BRWD1: variants seen among roughly 807,000 people sequenced by gnomAD.
The protein encoded by BRWD1 is bromodomain and WD repeat-containing protein 1.
In BRWD1, 82 loss-of-function variants were observed where a neutral mutation model predicts 251.2. The ratio of observed to expected loss-of-function variants is 0.33; its 90% CI spans 0.27 to 0.39. BRWD1 has a LOEUF of 0.39. BRWD1 is among the 10% of genes least tolerant of loss of function. BRWD1 has a pLI of 1.00. For synonymous variants in BRWD1, 918 were observed against 902.8 expected (o/e 1.02, Z -0.30); for missense variants, 2,233 against 2,711.6 (o/e 0.82, Z 3.92).
chr21:39,317,916 G>A (rs1256767224), upstream of BRWD1, among the ~76,000 whole-genome samples: 1 of 152,124 alleles, frequency 6.6e-6, no homozygotes, highest in East Asian at 1.9e-4. Flanking sequence ...CATGCATGGT[G>A]TTGGGTGACT....
chr21:39,229,295 T>A lies in BRWD1; in HGVS notation c.3125+17A>T, dbSNP rs199589797. 1.7e-4 allele frequency: 261 copies of A among 1,562,394 alleles called. No homozygotes were observed. In the African/African-American group the frequency reaches 3.3e-3, roughly 20 times the overall value. ...AATTTAAATTTAAGTAATTCCATTT[T>A]AAAAAATAATACATACCTAATAGAG... On this transcript the variant is annotated intron_variant, in intron 26 of 40. Transcript: ENST00000342449.
chr21:39,249,568 A>G (rs1277296287), intron 20 of BRWD1, among the ~76,000 whole-genome samples: 1 of 152,220 alleles, frequency 6.6e-6, no homozygotes, highest in Admixed American at 6.5e-5. Context: ...AAAGCAGATG[A>G]GATTACCCAA....
rs116740566 is a variant in BRWD1 at position 39,204,610 on chromosome 21, T to C, written c.4364+1498A>G. Reference sequence around the variant, plus strand: ...ACACAATCAAATGCTCAAAAGACCATACATAAAAATCACATTATTCTCTAC... The same window carrying C: ...ACACAATCAAATGCTCAAAAGACCACACATAAAAATCACATTATTCTCTAC... On this transcript the variant is annotated intron_variant, in intron 37 of 40. Coordinates refer to ENST00000342449, the MANE Select transcript of BRWD1 (RefSeq NM_033656.4). 8.1e-3 allele frequency among the ~76,000 whole-genome samples: 1,236 copies of C among 152,238 alleles called. 15 individuals carry two copies. The highest frequency in any genetic ancestry group is 0.029 in the African/African-American group (1,203 of 41,524).
intron 13 of BRWD1, among the ~76,000 whole-genome samples, chr21:39,273,643 G>A: frequency 9.4e-6 from 1 of 106,612 alleles, no homozygotes; most frequent in Admixed American, 1.0e-4. Flanking sequence ...GCTGAGATGG[G>A]GGGACAGGCT....
chr21:39,199,583 T>C lies in BRWD1; in HGVS notation c.4833A>G (p.Ser1611=), dbSNP rs1197458277. The change falls in exon 40 of 41, where the codon TCA becomes TCG. Residue 1611 remains serine, a synonymous_variant. Coordinates refer to ENST00000342449, the MANE Select transcript of BRWD1 (RefSeq NM_033656.4). ...CTTTTAGAATTTCACCAGTCTCCAA[T>C]GAATTGTTATCAGAATCACTTAAAT... The part of the protein sequence containing the change: ...RVYLSDSDNN[S]LETGEILKAR... 2.5e-6 allele frequency: 4 copies of C among 1,614,050 alleles called. No individual in the cohort carries two copies. The highest frequency in any genetic ancestry group is 3.4e-6 in the Non-Finnish European group (4 of 1,180,024).
chr21:39,306,810 T>C (rs975689564), intron 4 of BRWD1, among the ~76,000 whole-genome samples: 1 of 152,198 alleles, frequency 6.6e-6, no homozygotes, highest in Non-Finnish European at 1.5e-5. Flanking sequence ...CAGAAACAAA[T>C]AGTTACTTTT....
intron 4 of BRWD1, among the ~76,000 whole-genome samples, chr21:39,299,913 C>T (rs1264434620): frequency 6.6e-6 from 1 of 151,734 alleles, no homozygotes; most frequent in Non-Finnish European, 1.5e-5. Context: ...ACCTGGGAGG[C>T]GGAGGTTGCA....
intron 5 of BRWD1, 130 bp downstream of exon 5, chr21:39,298,302 A>C: frequency 1.5e-6 from 2 of 1,345,948 alleles, no homozygotes; most frequent in Non-Finnish European, 1.9e-6. Flanking sequence ...AAATGCAGAG[A>C]ATTTTATAGT....
chr21:39,196,053 T>C lies in BRWD1; in HGVS notation c.*206A>G, dbSNP rs144491241. ...ATAGATCTGCCCCCAAAATGAAGCA[T>C]ATTTTGGCACCTGTGCTGAATGCTG... On this transcript the variant is annotated 3_prime_UTR_variant, in exon 41 of 41. Coordinates refer to ENST00000342449, the MANE Select transcript of BRWD1 (RefSeq NM_033656.4). 6.2e-4 allele frequency: 793 copies of C among 1,287,460 alleles called. 6 individuals are homozygous for C. The African/African-American group carries it at 0.011, about 18-fold the overall frequency. The allele number at this position is 1,287,460 out of a possible 1,614,324, so 79.8% of individuals were successfully genotyped here.
At chr21:39,313,132 G>C (rs1463706689) in intron 2 of BRWD1, 31 bp from the exon 3 acceptor site, 23 of 1,497,712 alleles carry the variant, frequency 1.5e-5, no homozygotes, top group Non-Finnish European at 2.0e-5. Context: ...GTCAGGGGTG[G>C]GGTCGGGCCC....
intron 4 of BRWD1, among the ~76,000 whole-genome samples, chr21:39,307,534 C>T (rs551368104): frequency 4.6e-5 from 7 of 152,118 alleles, no homozygotes; most frequent in South Asian, 4.1e-4. Context: ...CCTTTTTCTT[C>T]ATCTTCGCTT....
In BRWD1 at chr21:39,192,922, T is replaced by C; in HGVS notation, c.*3337A>G. On this transcript the variant is annotated 3_prime_UTR_variant, in exon 41 of 41. Coordinates refer to ENST00000342449, the MANE Select transcript of BRWD1 (RefSeq NM_033656.4). ...GGGAGGTTAGTAAATTGTTTTCTGA[T>C]TCTTCTACAAAAAAAAAAGTCTAGA... 1 of 947,376 alleles carries C rather than the reference T, an allele frequency of 1.1e-6. No individual in the cohort carries two copies. Among genetic ancestry groups the C allele is most frequent in the Non-Finnish European group, 1.2e-6 (1 of 816,096 alleles). 58.7% of individuals were successfully genotyped at this position (947,376 alleles called of 1,614,324 possible).
chr21:39,283,081 T>C (rs1180971863), intron 8 of BRWD1, among the ~76,000 whole-genome samples: 1 of 152,194 alleles, frequency 6.6e-6, no homozygotes, highest in African/African-American at 2.4e-5. Context: ...GTCCCACTTA[T>C]ATCTTCATCT....
At chr21:39,291,670 G>T (rs989647204) in intron 8 of BRWD1, among the ~76,000 whole-genome samples, 1 of 152,178 alleles carries the variant, frequency 6.6e-6, no homozygotes, top group South Asian at 2.1e-4. Context: ...CCAGGAGAAG[G>T]ACCAATCCTA....
chr21:39,299,215 T>C (rs1438710229), intron 4 of BRWD1, among the ~76,000 whole-genome samples: 2 of 147,226 alleles, frequency 1.4e-5, no homozygotes, highest in Non-Finnish European at 3.0e-5. Context: ...AAGAAAAAAA[T>C]ATATATACAT....
rs1348882498 is a variant in BRWD1 at position 39,198,968 on chromosome 21, G to A, written c.5448C>T (p.Thr1816=). 2.5e-6 allele frequency: 4 copies of A among 1,613,754 alleles called. No homozygotes were observed. The highest frequency in any genetic ancestry group is 3.4e-6 in the Non-Finnish European group (4 of 1,179,972). The change falls in exon 40 of 41, where the codon ACC becomes ACT. Residue 1816 remains threonine (T), a synonymous_variant. Transcript: ENST00000342449. ...AGTCTTCTGAGTCACTCAGAATCTTGGTTTTTTTAAAGAAACTCGCATTCT... is the reference window on the plus strand; with the variant it reads ...AGTCTTCTGAGTCACTCAGAATCTTAGTTTTTTTAAAGAAACTCGCATTCT... ...FHKNASFFKK[T]KILSDSEDSE...
rs544044794 is a variant in BRWD1 at position 39,215,472 on chromosome 21, G to C, written c.3660-110C>G. On this transcript the variant is annotated intron_variant, in intron 31 of 40. Coordinates refer to ENST00000342449, the MANE Select transcript of BRWD1 (RefSeq NM_033656.4). ...CTGTGAAATAATAATTAAACCATAA[G>C]TGCAAAGTTATAATGAATAACCTTC... is the stretch of plus-strand genomic sequence containing the variant. 7.1e-5 allele frequency: 68 copies of C among 954,504 alleles called. No individual in the cohort carries two copies. The African/African-American group carries it at 8.4e-4, about 12-fold the overall frequency. The allele number at this position is 954,504 out of a possible 1,614,324, so 59.1% of individuals were successfully genotyped here.
chr21:39,227,987 C>G (rs2033450073), intron 27 of BRWD1, among the ~76,000 whole-genome samples: 1 of 152,062 alleles, frequency 6.6e-6, no homozygotes, highest in Non-Finnish European at 1.5e-5. Context: ...AGTTGCTCGT[C>G]TAAAAAAGTC....
chr21:39,258,934 A>G (rs186926919), intron 17 of BRWD1, among the ~76,000 whole-genome samples: 5 of 152,324 alleles, frequency 3.3e-5, no homozygotes, highest in Non-Finnish European at 7.4e-5. Context: ...GCATGGAAAC[A>G]TATTTCTGTA....
Sources: allele counts gnomAD v4.1 joint callset (sites outside exome capture counted in the v4.1 genomes callset), GRCh38; gene constraint gnomAD v4.1.1; transcripts MANE v1.5; gene names NCBI Gene and HGNC (gene_info 2026-07-23, HGNC 2026-07-21).